BRIP1: variants seen among roughly 807,000 people sequenced by gnomAD.
BRIP1 encodes the protein Fanconi anemia group J protein.
In BRIP1, 88 loss-of-function variants were observed where a neutral mutation model predicts 119.7. The ratio of observed to expected loss-of-function variants is 0.74; its 90% confidence interval spans 0.62 to 0.88. The LOEUF (loss-of-function observed/expected upper bound fraction) is 0.88, where lower values mean the gene tolerates loss of function less well. BRIP1 is among the 40% of genes least tolerant of loss of function. The pLI is 0.00. For missense variants in BRIP1, 1,259 were observed against 1,455.4 expected, an observed-to-expected ratio of 0.87 and a Z score of 2.20; for synonymous variants, 443 against 496.5, an observed-to-expected ratio of 0.89 and a Z score of 1.43.
rs1393377485 is a variant in BRIP1 at position 61,679,323 on chromosome 17, A to G, written c.*3973T>C. Among the ~76,000 whole-genome samples the G allele has an allele frequency of 6.6e-6, 1 of 152,200 alleles. No individual in the cohort carries two copies. The highest frequency in any genetic ancestry group is 2.1e-4 in the South Asian group (1 of 4,828). On this transcript the variant is annotated 3_prime_UTR_variant, in exon 20 of 20. Transcript: ENST00000259008. The surrounding 1 kb of genome is among the most constrained non-coding windows in gnomAD (Gnocchi z 4.4). ...GTAATAACTAAGTGCATAGAAACATAGTAATAGTTTTATAACACAATTCTA... is the reference window on the plus strand; with the variant it reads ...GTAATAACTAAGTGCATAGAAACATGGTAATAGTTTTATAACACAATTCTA...
In BRIP1 at chr17:61,804,741, T is replaced by C. The variant is rs2078048374; in HGVS notation, c.919-3267A>G. Among the ~76,000 whole-genome samples, 1 of 151,804 alleles carries C rather than the reference T, an allele frequency of 6.6e-6. No individual in the cohort carries two copies. The highest frequency in any genetic ancestry group is 2.1e-4 in the South Asian group (1 of 4,834). ...CATATATATATATTCAAAATATTTT[T>C]GTCTAATAATTATTAAAATTATAAA... On this transcript the variant is annotated intron_variant, in intron 7 of 19. Transcript: ENST00000259008. This position sits in a 1 kb window ranked among gnomAD's most constrained non-coding sequence, Gnocchi z 4.5.
chr17:61,713,861 T>A lies in BRIP1; in HGVS notation c.2492+2090A>T, dbSNP rs967969387. ...CAGAAAAGTTTAAAAAGTAAAAAAA[T>A]AAAAAATAAAAATTTCAAAAATAGA... is the stretch of plus-strand genomic sequence containing the variant. On this transcript the variant is annotated intron_variant, in intron 17 of 19. Coordinates refer to ENST00000259008, the MANE Select transcript of BRIP1 (RefSeq NM_032043.3). The surrounding 1 kb of genome is among the most constrained non-coding windows in gnomAD (Gnocchi z 4.9). Among the ~76,000 whole-genome samples, 1 of 151,160 alleles carries A rather than the reference T, an allele frequency of 6.6e-6. No homozygotes were observed. Among genetic ancestry groups the A allele is most frequent in the African/African-American group, 2.4e-5 (1 of 41,090 alleles).
intron 14 of BRIP1, among the ~76,000 whole-genome samples, chr17:61,771,611 T>C (rs941229731): frequency 6.6e-6 from 1 of 152,156 alleles, no homozygotes; most frequent in Non-Finnish European, 1.5e-5. Context: ...GCACTGCTGA[T>C]GGGAATCTAA....
Position 61,807,674 on chromosome 17 carries a change from A to G in BRIP1, c.918+793T>C, listed in dbSNP as rs113618219. The stretch of plus-strand genomic sequence containing the variant: ...TAAGATACTAGTGAAAAACAAAACA[A>G]CTCTAAAAATATATTAAAATATCAT... On this transcript the variant is annotated intron_variant, in intron 7 of 19. Coordinates refer to ENST00000259008, the MANE Select transcript of BRIP1 (RefSeq NM_032043.3). This position sits in a 1 kb window ranked among gnomAD's most constrained non-coding sequence, Gnocchi z 4.5. Among the ~76,000 whole-genome samples the G allele has an allele frequency of 4.6e-5, 7 of 152,170 alleles. No homozygotes were observed. The highest frequency in any genetic ancestry group is 1.7e-4 in the African/African-American group (7 of 41,528).
chr17:61,747,733 CTAAT>C (rs2077076669), intron 14 of BRIP1, among the ~76,000 whole-genome samples: 2 of 151,638 alleles, frequency 1.3e-5, no homozygotes, highest in African/African-American at 4.8e-5. Flanking sequence ...CATTTCTTTG[CTAAT>C]TAATTAATTT....
intron 16 of BRIP1, among the ~76,000 whole-genome samples, chr17:61,731,726 T>C (rs2144573200): frequency 6.6e-6 from 1 of 152,292 alleles, no homozygotes; most frequent in Admixed American, 6.5e-5. Context: ...AGACCTGCTA[T>C]AACATTCCCA....
In BRIP1 at chr17:61,789,795, A is replaced by G. The variant is rs921112200; in HGVS notation, c.1473+3802T>C. On this transcript the variant is annotated intron_variant, in intron 10 of 19. Transcript: ENST00000259008. This position sits in a 1 kb window ranked among gnomAD's most constrained non-coding sequence, Gnocchi z 4.8. ...AAAACAAATGTGTCATATCAGAAATATATTTATAATAAGCAAATATGGGCA... is the reference window on the plus strand; with the variant it reads ...AAAACAAATGTGTCATATCAGAAATGTATTTATAATAAGCAAATATGGGCA... Among the ~76,000 whole-genome samples the G allele has an allele frequency of 6.6e-6, 1 of 152,210 alleles. No homozygotes were observed. The highest frequency in any genetic ancestry group is 1.5e-5 in the Non-Finnish European group (1 of 68,020).
rs145524353 is a variant in BRIP1, at chr17:61,700,012, A to G, written c.2493-6500T>C. On this transcript the variant is annotated intron_variant, in intron 17 of 19. Coordinates refer to ENST00000259008, the MANE Select transcript of BRIP1 (RefSeq NM_032043.3). The surrounding 1 kb of genome is among the most constrained non-coding windows in gnomAD (Gnocchi z 4.1). Reference sequence around the variant, plus strand: ...AGACTGGCTCCCTAGACTTTGTCCCATGCACATGTTTTGTTCTCTTTGCTG... The same window carrying G: ...AGACTGGCTCCCTAGACTTTGTCCCGTGCACATGTTTTGTTCTCTTTGCTG... Among the ~76,000 whole-genome samples the G allele has an allele frequency of 5.9e-5, 9 of 152,220 alleles. No homozygotes were observed. The highest frequency in any genetic ancestry group is 1.2e-4 in the Non-Finnish European group (8 of 67,992).
chr17:61,757,937 G>A lies in BRIP1; in HGVS notation c.2098-13346C>T, dbSNP rs952697440. On this transcript the variant is annotated intron_variant, in intron 14 of 19. Transcript: ENST00000259008. This position sits in a 1 kb window ranked among gnomAD's most constrained non-coding sequence, Gnocchi z 4.3. ...GAGCCAGGGAGGTAAAGACTACAGT[G>A]AGCCAGTGATTGTACCACCACATTC... Among the ~76,000 whole-genome samples, 10 of 151,526 alleles carry A rather than the reference G, an allele frequency of 6.6e-5. No individual in the cohort carries two copies. The highest frequency in any genetic ancestry group is 1.2e-4 in the Non-Finnish European group (8 of 67,926).
chr17:61,750,917 C>T (rs1482830213), intron 14 of BRIP1, among the ~76,000 whole-genome samples: 1 of 152,204 alleles, frequency 6.6e-6, no homozygotes, highest in Non-Finnish European at 1.5e-5. Context: ...GGAAAACAGT[C>T]TGGCAGTTCC....
Position 61,686,952 on chromosome 17 carries a change from G to C in BRIP1, c.2576-787C>G, listed in dbSNP as rs977789502. On this transcript the variant is annotated intron_variant, in intron 18 of 19. Coordinates refer to ENST00000259008, the MANE Select transcript of BRIP1 (RefSeq NM_032043.3). The surrounding 1 kb of genome is among the most constrained non-coding windows in gnomAD (Gnocchi z 5.4). ...GGAATTAGTTTTAAAAGTCACTATA[G>C]GGTAAAAATTTAAGTTCTAGATTTT... Among the ~76,000 whole-genome samples, 5 of 151,982 alleles carry C rather than the reference G, an allele frequency of 3.3e-5. No homozygotes were observed. Among genetic ancestry groups the C allele is most frequent in the African/African-American group, 1.2e-4 (5 of 41,366 alleles).
rs1045432209 is a variant in BRIP1 at position 61,806,510 on chromosome 17, C to A, written c.918+1957G>T. Among the ~76,000 whole-genome samples, 2 of 152,070 alleles carry A rather than the reference C, an allele frequency of 1.3e-5. No homozygotes were observed. The highest frequency in any genetic ancestry group is 2.9e-5 in the Non-Finnish European group (2 of 67,996). On this transcript the variant is annotated intron_variant, in intron 7 of 19. Transcript: ENST00000259008. The surrounding 1 kb of genome is among the most constrained non-coding windows in gnomAD (Gnocchi z 4.9). ...ACAAACTAAAGGCCAATGAAAAATT[C>A]GGAACATTGAAGTCTACTGAATTCC...
chr17:61,817,991 A>ATTT (rs199566448), intron 6 of BRIP1, among the ~76,000 whole-genome samples: 1 of 151,504 alleles, frequency 6.6e-6, no homozygotes, highest in Non-Finnish European at 1.5e-5. Flanking sequence ...TCCCAGCAAG[A>ATTT]TTTTTTTTTG....
At position 61,805,581 on chromosome 17, in the gene BRIP1, G is replaced by C. The variant is rs1341601593; in HGVS notation, c.918+2886C>G. 6.6e-6 allele frequency among the ~76,000 whole-genome samples: 1 copy of C among 152,034 alleles called. No homozygotes were observed. Among genetic ancestry groups the C allele is most frequent in the Non-Finnish European group, 1.5e-5 (1 of 68,010 alleles). On this transcript the variant is annotated intron_variant, in intron 7 of 19. Coordinates refer to ENST00000259008, the MANE Select transcript of BRIP1 (RefSeq NM_032043.3). This position sits in a 1 kb window ranked among gnomAD's most constrained non-coding sequence, Gnocchi z 5.6. ...CTTGTCTGACTGAGAAAACTCCAGG[G>C]CCCATTTTTCTCATGTGACTAAGCA...
intron 5 of BRIP1, among the ~76,000 whole-genome samples, chr17:61,847,966 G>A (rs2078759713): frequency 1.3e-5 from 2 of 152,142 alleles, no homozygotes; most frequent in East Asian, 3.9e-4. Flanking sequence ...ATCTCTATAG[G>A]TTCACACCTC....
rs146304839 is a variant in BRIP1, at chr17:61,795,439, T to C, written c.1341-1710A>G. Among the ~76,000 whole-genome samples, 892 of 152,152 alleles carry C rather than the reference T, an allele frequency of 5.9e-3. 5 individuals carry two copies. The highest frequency in any genetic ancestry group is 0.021 in the African/African-American group (855 of 41,522). On this transcript the variant is annotated intron_variant, in intron 9 of 19. Coordinates refer to ENST00000259008, the MANE Select transcript of BRIP1 (RefSeq NM_032043.3). The surrounding 1 kb of genome is among the most constrained non-coding windows in gnomAD (Gnocchi z 5.6). ...AGCCTCTGGTAAACCATCCTTCTAC[T>C]CTCTATCTCAATGGATTAAATTGTT...
chr17:61,803,039 A>C lies in BRIP1; in HGVS notation c.919-1565T>G, dbSNP rs1219612064. Among the ~76,000 whole-genome samples the C allele has an allele frequency of 6.6e-6, 1 of 151,644 alleles. No homozygotes were observed. Among genetic ancestry groups the C allele is most frequent in the African/African-American group, 2.4e-5 (1 of 41,280 alleles). ...TGTATGAATAGTCTAACAAGGTTCAATAGTAATTTGTGTTTCTTCTTTTAT... is the reference window on the plus strand; with the variant it reads ...TGTATGAATAGTCTAACAAGGTTCACTAGTAATTTGTGTTTCTTCTTTTAT... On this transcript the variant is annotated intron_variant, in intron 7 of 19. Coordinates refer to ENST00000259008, the MANE Select transcript of BRIP1 (RefSeq NM_032043.3). This position sits in a 1 kb window ranked among gnomAD's most constrained non-coding sequence, Gnocchi z 4.3.
rs947756304 is a variant in BRIP1, at chr17:61,680,412, T to C, written c.*2884A>G. Reference sequence around the variant, plus strand: ...GGAAAGTATTGGAGATGAAGTTGGGTAATAACACTAAGATATGAATAATAT... The same window carrying C: ...GGAAAGTATTGGAGATGAAGTTGGGCAATAACACTAAGATATGAATAATAT... On this transcript the variant is annotated 3_prime_UTR_variant, in exon 20 of 20. Coordinates refer to ENST00000259008, the MANE Select transcript of BRIP1 (RefSeq NM_032043.3). 1.3e-5 allele frequency among the ~76,000 whole-genome samples: 2 copies of C among 151,066 alleles called. No homozygotes were observed. The highest frequency in any genetic ancestry group is 4.9e-5 in the African/African-American group (2 of 41,112).
intron 4 of BRIP1, among the ~76,000 whole-genome samples, chr17:61,850,137 T>G (rs1329636406): frequency 2.0e-5 from 3 of 150,550 alleles, no homozygotes; most frequent in African/African-American, 7.4e-5. Flanking sequence ...AGTTTTCCTC[T>G]TGTTGCCCAG....
Sources: allele counts gnomAD v4.1 joint callset (sites outside exome capture counted in the v4.1 genomes callset), GRCh38; gene constraint gnomAD v4.1.1; non-coding constraint Gnocchi (gnomAD v3.1); transcripts MANE v1.5; gene names NCBI Gene and HGNC (gene_info 2026-07-23, HGNC 2026-07-21).